The following ROBO1 variants were observed in gnomAD, a reference collection of about 807,000 sequenced individuals.
ROBO1 encodes roundabout homolog 1.
Under a neutral mutation model 195.9 loss-of-function variants are expected in ROBO1, and 149 were observed. That is an observed-to-expected ratio of 0.76 (90% CI 0.67 to 0.87). ROBO1 has a LOEUF of 0.87. Among genes scored for constraint, ROBO1 ranks in the 40% least tolerant of loss-of-function variants. The pLI is 0.00. For missense variants in ROBO1, 1,933 were observed against 2,068.3 expected, an observed-to-expected ratio of 0.93 and a Z score of 1.27; for synonymous variants, 816 against 733.2, an observed-to-expected ratio of 1.11 and a Z score of -1.82.
chr3:79,629,682 C>T (rs1395892181), intron 1 of ROBO1, among the ~76,000 whole-genome samples: 1 of 151,382 alleles, frequency 6.6e-6, no homozygotes, highest in Non-Finnish European at 1.5e-5. Context: ...AAAGATTATA[C>T]AAAGAATAAA....
intron 4 of ROBO1, among the ~76,000 whole-genome samples, chr3:78,887,817 C>T (rs993845368): frequency 2.6e-5 from 4 of 152,102 alleles, no homozygotes; most frequent in Admixed American, 2.6e-4. Flanking sequence ...CCTTCTAAGT[C>T]AAATCCTAAA....
chr3:78,996,261 C>T (rs1285733964), intron 3 of ROBO1, among the ~76,000 whole-genome samples: 1 of 151,228 alleles, frequency 6.6e-6, no homozygotes, highest in Non-Finnish European at 1.5e-5. Flanking sequence ...TGAGACAGAA[C>T]TGCTTGAGGC....
At chr3:79,458,701 TC>T (rs1274037372) in intron 2 of ROBO1, among the ~76,000 whole-genome samples, 1 of 151,866 alleles carries the variant, frequency 6.6e-6, no homozygotes, top group Non-Finnish European at 1.5e-5. Context: ...ACTATGATTT[TC>T]CATAGGAAAA....
intron 4 of ROBO1, among the ~76,000 whole-genome samples, chr3:78,856,656 A>C (rs1048955938): frequency 1.3e-5 from 2 of 151,302 alleles, no homozygotes; most frequent in African/African-American, 2.4e-5. Flanking sequence ...AATAAAAATA[A>C]ATAAAAATAA....
intron 10 of ROBO1, among the ~76,000 whole-genome samples, chr3:78,683,827 A>C (rs1027007437): frequency 2.0e-5 from 3 of 147,530 alleles, no homozygotes; most frequent in African/African-American, 8.1e-5. Flanking sequence ...CAAAGGTGTA[A>C]ATAATAAAGC....
chr3:79,075,773 A>C (rs1188861843), intron 3 of ROBO1, among the ~76,000 whole-genome samples: 1 of 151,968 alleles, frequency 6.6e-6, no homozygotes, highest in African/African-American at 2.4e-5. Flanking sequence ...ATTGTGTTTC[A>C]CTGGGCACTA....
At chr3:79,539,373 G>A (rs9826366) in intron 2 of ROBO1, among the ~76,000 whole-genome samples, 86,887 of 151,856 alleles carry the variant, frequency 0.57, 24,978 homozygotes, top group Non-Finnish European at 0.6. Context: ...AAGCACACAC[G>A]TAAGTTGTTT....
At chr3:79,034,516 GGAAGC>G (rs2078349932) in intron 3 of ROBO1, among the ~76,000 whole-genome samples, 1 of 151,962 alleles carries the variant, frequency 6.6e-6, no homozygotes, top group African/African-American at 2.4e-5. Context: ...TCCAACTCTA[GGAAGC>G]TAAGGAAATA....
intron 2 of ROBO1, among the ~76,000 whole-genome samples, chr3:79,390,665 G>T (rs182302864): frequency 3.0e-4 from 45 of 152,228 alleles, no homozygotes; most frequent in Admixed American, 4.6e-4. Flanking sequence ...GATGGCTGAG[G>T]CTTATATGGG....
At chr3:79,423,579 G>C (rs1010182115) in intron 2 of ROBO1, among the ~76,000 whole-genome samples, 1 of 152,050 alleles carries the variant, frequency 6.6e-6, no homozygotes, top group Non-Finnish European at 1.5e-5. Context: ...GTTCTCACCT[G>C]TGAAATGTAC....
In ROBO1 at chr3:79,570,210, T is replaced by C. The variant is rs192650274; in HGVS notation, c.88+19614A>G. Among the ~76,000 whole-genome samples the C allele has an allele frequency of 6.2e-4, 94 of 152,120 alleles. 1 individual carries two copies. Among genetic ancestry groups the C allele is most frequent in the Non-Finnish European group, 4.1e-4 (28 of 68,002 alleles). On this transcript the variant is annotated intron_variant, in intron 2 of 30. Transcript: ENST00000464233. ...CAATTTCCTATTACCTCTAGGAAAT[T>C]GAATTATGGAAGTGTGTGCATATGC...
chr3:79,433,747 A>T (rs2038775810), intron 2 of ROBO1, among the ~76,000 whole-genome samples: 2 of 152,212 alleles, frequency 1.3e-5, no homozygotes, highest in South Asian at 4.1e-4. Context: ...TTGCCAAGAC[A>T]ACCCTAAGCC....
chr3:79,720,054 G>A (rs1195122371), intron 1 of ROBO1, among the ~76,000 whole-genome samples: 1 of 152,124 alleles, frequency 6.6e-6, no homozygotes, highest in Admixed American at 6.5e-5. Flanking sequence ...TTTAAAAATA[G>A]TTTTTGAAAT....
intron 5 of ROBO1, among the ~76,000 whole-genome samples, chr3:78,720,463 T>C (rs2108100885): frequency 6.6e-6 from 1 of 152,310 alleles, no homozygotes; most frequent in East Asian, 1.9e-4. Flanking sequence ...GGAGAGGATG[T>C]GGAGAAATAG....
At chr3:79,050,826 A>G (rs762011914) in intron 3 of ROBO1, among the ~76,000 whole-genome samples, 44 of 152,206 alleles carry the variant, frequency 2.9e-4, no homozygotes, top group Non-Finnish European at 1.0e-4. Context: ...AAATAACAAA[A>G]TGAAGGCAGA....
At chr3:78,662,622 A>G (rs780089158) in intron 14 of ROBO1, among the ~76,000 whole-genome samples, 3 of 152,214 alleles carry the variant, frequency 2.0e-5, no homozygotes, top group Non-Finnish European at 4.4e-5. Flanking sequence ...ATGAACTTGG[A>G]TATTTTCTCA....
chr3:78,855,402 T>C (rs575262773), intron 4 of ROBO1, among the ~76,000 whole-genome samples: 1 of 152,294 alleles, frequency 6.6e-6, no homozygotes, highest in Admixed American at 6.5e-5. Context: ...TTTCCAAGCC[T>C]GCAAAGTCAG....
chr3:79,004,729 G>T (rs2077581973), intron 3 of ROBO1, among the ~76,000 whole-genome samples: 1 of 152,150 alleles, frequency 6.6e-6, no homozygotes, highest in Non-Finnish European at 1.5e-5. Flanking sequence ...AAAGCCAGAG[G>T]AGTAAGAGTG....
intron 2 of ROBO1, among the ~76,000 whole-genome samples, chr3:79,370,168 A>G (rs1042708690): frequency 2.0e-5 from 3 of 151,912 alleles, no homozygotes; most frequent in Non-Finnish European, 2.9e-5. Flanking sequence ...CAGCCTGGGC[A>G]ACATGGTGAA....
Sources: allele counts gnomAD v4.1 joint callset (sites outside exome capture counted in the v4.1 genomes callset), GRCh38; gene constraint gnomAD v4.1.1; transcripts MANE v1.5; gene names NCBI Gene and HGNC (gene_info 2026-07-23, HGNC 2026-07-21).